The following FOXP2 variants were observed in gnomAD, a reference collection of about 807,000 sequenced individuals.
FOXP2 encodes forkhead box protein P2.
In FOXP2, 12 loss-of-function variants were observed where a neutral mutation model predicts 115.8. That is an observed-to-expected ratio of 0.10 (90% CI 0.07 to 0.17). The LOEUF is 0.17. Ranked by LOEUF, FOXP2 falls within the 10% of genes least tolerant of loss-of-function variation. FOXP2 has a pLI of 1.00. For synonymous variants in FOXP2, 328 were observed against 297.7 expected (o/e 1.10, Z -1.05); for missense variants, 629 against 843.5 (o/e 0.75, Z 3.15).
intron 3 of FOXP2, among the ~76,000 whole-genome samples, chr7:114,575,159 G>A (rs1801510706): frequency 2.0e-5 from 3 of 151,610 alleles, no homozygotes; most frequent in Admixed American, 1.3e-4. Context: ...TTGATAACTG[G>A]GCCAGTTTCT....
At chr7:114,671,425 A>C (rs1238831044) in intron 16 of FOXP2, among the ~76,000 whole-genome samples, 2 of 152,150 alleles carry the variant, frequency 1.3e-5, no homozygotes. Context: ...TATACAGATG[A>C]TATCTGACAT....
At chr7:114,173,633 G>C (rs943870327) in intron 1 of FOXP2, among the ~76,000 whole-genome samples, 1 of 151,022 alleles carries the variant, frequency 6.6e-6, no homozygotes, top group African/African-American at 2.4e-5. Flanking sequence ...CTGAAAACTT[G>C]GCATTTGTAA....
intron 3 of FOXP2, among the ~76,000 whole-genome samples, chr7:114,541,675 G>C (rs1318287881): frequency 3.3e-5 from 5 of 151,370 alleles, no homozygotes; most frequent in Admixed American, 6.6e-5. Context: ...TTCTCAGATT[G>C]CAGTGAAAGA....
chr7:114,093,615 T>C (rs185591732), intron 1 of FOXP2, among the ~76,000 whole-genome samples: 45 of 152,216 alleles, frequency 3.0e-4, no homozygotes, highest in African/African-American at 1.1e-3. Flanking sequence ...TAACTTGCTT[T>C]GAAATTACTT....
intron 3 of FOXP2, among the ~76,000 whole-genome samples, chr7:114,568,437 G>A (rs1230544485): frequency 6.7e-6 from 1 of 150,034 alleles, no homozygotes; most frequent in Non-Finnish European, 1.5e-5. Context: ...TTTTTTTGGG[G>A]GGGGGTTATT....
chr7:114,096,045 T>C (rs558983496), intron 1 of FOXP2, among the ~76,000 whole-genome samples: 2 of 152,288 alleles, frequency 1.3e-5, no homozygotes, highest in Admixed American at 1.3e-4. Flanking sequence ...TCATCTAGGT[T>C]GTTTTTTCCC....
At chr7:114,086,947 G>A (rs1445846087), upstream of FOXP2, among the ~76,000 whole-genome samples, 1 of 152,078 alleles carries the variant, frequency 6.6e-6, no homozygotes. Flanking sequence ...ATGTTGCTTC[G>A]TCCGGAGAGA....
chr7:114,329,294 G>A (rs1797635763), intron 2 of FOXP2, among the ~76,000 whole-genome samples: 1 of 152,040 alleles, frequency 6.6e-6, no homozygotes, highest in Non-Finnish European at 1.5e-5. Context: ...GAAGCAGGCG[G>A]ATCACCTGAG....
chr7:114,156,050 CTGAG>C (rs1370531391), intron 1 of FOXP2, among the ~76,000 whole-genome samples: 3 of 152,102 alleles, frequency 2.0e-5, no homozygotes, highest in South Asian at 4.1e-4. Context: ...CCTTACCAGT[CTGAG>C]TATTACTAGA....
chr7:114,289,266 A>G (rs1279141099), intron 2 of FOXP2, among the ~76,000 whole-genome samples: 1 of 151,862 alleles, frequency 6.6e-6, no homozygotes. Flanking sequence ...TTTACTCTTA[A>G]TTTATGATGT....
At chr7:114,634,453 C>T (rs147684002) in intron 6 of FOXP2, among the ~76,000 whole-genome samples, 15 of 151,996 alleles carry the variant, frequency 9.9e-5, no homozygotes, top group East Asian at 1.9e-4. Context: ...GATTTATCTA[C>T]ATTCCTCTCT....
At chr7:114,467,771 A>AT in intron 2 of FOXP2, among the ~76,000 whole-genome samples, 1 of 152,344 alleles carries the variant, frequency 6.6e-6, no homozygotes, top group South Asian at 2.1e-4. Context: ...CTTATTATTA[A>AT]TATTGTCATT....
At chr7:114,547,045 G>GA (rs1393893713) in intron 3 of FOXP2, among the ~76,000 whole-genome samples, 1 of 152,088 alleles carries the variant, frequency 6.6e-6, no homozygotes, top group Non-Finnish European at 1.5e-5. Context: ...TGTTTTTGTA[G>GA]AAAAAAACTT....
chr7:114,330,874 TAAC>T (rs1040241762), intron 2 of FOXP2, among the ~76,000 whole-genome samples: 38 of 152,332 alleles, frequency 2.5e-4, no homozygotes, highest in African/African-American at 8.7e-4. Context: ...GCACTGTTTA[TAAC>T]AACAACTGGG....
At chr7:114,615,062 T>C (rs1383509599) in intron 3 of FOXP2, among the ~76,000 whole-genome samples, 1 of 151,978 alleles carries the variant, frequency 6.6e-6, no homozygotes, top group Non-Finnish European at 1.5e-5. Context: ...CTACCAAAAA[T>C]GCAAAAATTA....
At chr7:114,436,016 G>A (rs879539414) in intron 2 of FOXP2, among the ~76,000 whole-genome samples, 32 of 151,990 alleles carry the variant, frequency 2.1e-4, no homozygotes, top group Admixed American at 1.1e-3. Flanking sequence ...TCAATAATAC[G>A]TGTATTTCAT....
intron 2 of FOXP2, among the ~76,000 whole-genome samples, chr7:114,349,671 C>G (rs201747709): frequency 1.3e-5 from 2 of 149,548 alleles, no homozygotes; most frequent in Non-Finnish European, 3.0e-5. Context: ...GTGTGTGTGT[C>G]TGTGTGTGTG....
intron 1 of FOXP2, among the ~76,000 whole-genome samples, chr7:114,271,736 A>G (rs1367846776): frequency 8.5e-6 from 1 of 117,950 alleles, no homozygotes; most frequent in Non-Finnish European, 1.6e-5. Context: ...AATATATATT[A>G]AATACATATG....
At chr7:114,387,400 G>T (rs1792479738) in intron 2 of FOXP2, among the ~76,000 whole-genome samples, 2 of 152,162 alleles carry the variant, frequency 1.3e-5, no homozygotes, top group South Asian at 4.1e-4. Flanking sequence ...CTTTACTGTA[G>T]TTCAGGACTA....
Sources: gnomAD v4.1 joint callset for allele counts (sites outside exome capture counted in the v4.1 genomes callset) on GRCh38, gnomAD v4.1.1 for gene constraint, MANE v1.5 for transcripts, NCBI Gene and HGNC (gene_info 2026-07-23, HGNC 2026-07-21) for gene names.